KDM4B: variants seen among roughly 807,000 people sequenced by gnomAD.
The protein encoded by KDM4B is lysine demethylase 4B.
KDM4B carries 32 observed loss-of-function variants against 125.2 expected under a neutral mutation model. That is an observed-to-expected ratio of 0.26 (90% CI 0.19 to 0.34). KDM4B has a LOEUF of 0.34. KDM4B is among the 10% of genes least tolerant of loss of function. The pLI is 1.00. For synonymous variants in KDM4B, 721 were observed against 677.9 expected, an observed-to-expected ratio of 1.06 and a Z score of -0.99; for missense variants, 1,190 against 1,577.7, an observed-to-expected ratio of 0.75 and a Z score of 4.16.
At chr19:5,110,909 T>A (rs954976411) in intron 10 of KDM4B, 91 bp downstream of exon 10, 2 of 1,028,222 alleles carry the variant, frequency 1.9e-6, no homozygotes, top group Non-Finnish European at 2.7e-6. Flanking sequence ...TGGCAGGGGC[T>A]CCGGGCCGTG....
rs1201166188 is a variant in KDM4B, at chr19:5,114,482, G to A, written c.1115+3664G>A. 1 of 373,282 alleles carries A rather than the reference G, an allele frequency of 2.7e-6. No homozygotes were observed. The highest frequency in any genetic ancestry group is 2.1e-5 in the African/African-American group (1 of 47,784). The allele number at this position is 373,282 out of a possible 1,614,324, so 23.1% of individuals were successfully genotyped here. The stretch of plus-strand genomic sequence containing the variant: ...ATTCCTGAGCCCTCCCCACCAACAG[G>A]GACCTCAGCCCTCAGGGACAGAACC... On this transcript the variant is annotated intron_variant, in intron 10 of 22. Transcript: ENST00000159111. This position sits in a 1 kb window ranked among gnomAD's most constrained non-coding sequence, Gnocchi z 5.8.
At chr19:5,075,068 C>T (rs1226405483) in intron 7 of KDM4B, 1 of 152,414 alleles carries the variant, frequency 6.6e-6, no homozygotes, top group Non-Finnish European at 1.5e-5. Context: ...AGGTCCTAGT[C>T]TCCGCAGTCT....
At chr19:5,133,450 C>T (rs570625900) in intron 13 of KDM4B, among the ~76,000 whole-genome samples, 10 of 152,274 alleles carry the variant, frequency 6.6e-5, no homozygotes, top group African/African-American at 1.2e-4. Context: ...TGGTCACTGC[C>T]GACGCCCCCA....
At chr19:5,056,849 G>T (rs2037411461) in intron 6 of KDM4B, among the ~76,000 whole-genome samples, 1 of 147,774 alleles carries the variant, frequency 6.8e-6, no homozygotes, top group South Asian at 2.2e-4. Context: ...CCTGGGGTGG[G>T]GACCCTGGGG....
intron 1 of KDM4B, among the ~76,000 whole-genome samples, chr19:4,994,808 T>C (rs1487223687): frequency 6.6e-6 from 1 of 152,214 alleles, no homozygotes; most frequent in East Asian, 1.9e-4. Context: ...GTGAATATTT[T>C]CTAGTGTAAT....
intron 6 of KDM4B, among the ~76,000 whole-genome samples, chr19:5,068,597 A>T (rs1351057799): frequency 6.6e-6 from 1 of 152,196 alleles, no homozygotes; most frequent in Admixed American, 6.5e-5. Flanking sequence ...GGTGGCCGGG[A>T]GGCAGGTCTG....
chr19:4,988,437 G>A (rs934188571), intron 1 of KDM4B, among the ~76,000 whole-genome samples: 9 of 151,980 alleles, frequency 5.9e-5, no homozygotes, highest in African/African-American at 2.2e-4. Flanking sequence ...CACCACGCCC[G>A]GCTAATTTTT....
chr19:5,095,273 T>G (rs956032550), intron 9 of KDM4B, among the ~76,000 whole-genome samples: 3 of 152,150 alleles, frequency 2.0e-5, no homozygotes, highest in African/African-American at 7.2e-5. Flanking sequence ...GCATTCATGA[T>G]CCCCGTGGTC....
At chr19:5,045,054 G>T (rs370880196) in intron 5 of KDM4B, among the ~76,000 whole-genome samples, 17 of 152,192 alleles carry the variant, frequency 1.1e-4, no homozygotes, top group South Asian at 4.1e-4. Flanking sequence ...TCTCCTTTGG[G>T]TAAATACCAA....
At chr19:5,137,145 G>A (rs569076691) in intron 15 of KDM4B, 117 bp from the exon 16 acceptor site, 7 of 692,868 alleles carry the variant, frequency 1.0e-5, no homozygotes, top group East Asian at 2.7e-5. Context: ...CGGAGGCCTC[G>A]TCACTCCACA....
At chr19:5,089,539 C>G (rs554711491) in intron 9 of KDM4B, among the ~76,000 whole-genome samples, 44 of 152,264 alleles carry the variant, frequency 2.9e-4, no homozygotes, top group African/African-American at 1.0e-3. Context: ...AGGCTGTGGA[C>G]TGGGACTCTT....
At chr19:5,054,341 A>G (rs1275449330) in intron 6 of KDM4B, among the ~76,000 whole-genome samples, 1 of 152,164 alleles carries the variant, frequency 6.6e-6, no homozygotes, top group Non-Finnish European at 1.5e-5. Context: ...TCAGCCTCCC[A>G]AAGTATTGGG....
chr19:5,060,173 C>T (rs1435107541), intron 6 of KDM4B, among the ~76,000 whole-genome samples: 1 of 152,230 alleles, frequency 6.6e-6, no homozygotes, highest in South Asian at 2.1e-4. Flanking sequence ...GGCATGGTGG[C>T]TCACGCCTGT....
chr19:5,134,163 C>A, intron 14 of KDM4B, 102 bp downstream of exon 14: 1 of 1,164,194 alleles, frequency 8.6e-7, no homozygotes, highest in South Asian at 1.5e-5. Context: ...TCACGCAGGG[C>A]AGGGTGTTGG....
rs1026409592 is a variant in KDM4B, at chr19:5,142,495, C to T, written c.2551-1472C>T. Among the ~76,000 whole-genome samples the T allele has an allele frequency of 2.0e-5, 3 of 152,174 alleles. No individual in the cohort carries two copies. The highest frequency in any genetic ancestry group is 4.4e-5 in the Non-Finnish European group (3 of 68,016). On this transcript the variant is annotated intron_variant, in intron 18 of 22. Coordinates refer to ENST00000159111, the MANE Select transcript of KDM4B (RefSeq NM_015015.3). This position sits in a 1 kb window ranked among gnomAD's most constrained non-coding sequence, Gnocchi z 5.4. ...CGTGGAGATGCAGGGTCATGGGCTG[C>T]CTGCTACCACGAGGCGGAAGGGGAT...
intron 6 of KDM4B, among the ~76,000 whole-genome samples, chr19:5,062,775 G>GTTTT (rs34134889): frequency 1.6e-4 from 14 of 89,836 alleles, no homozygotes; most frequent in Non-Finnish European, 2.5e-4. Flanking sequence ...TAATTAAACT[G>GTTTT]TTTTTTTTTT....
At chr19:5,134,213 T>C in intron 14 of KDM4B, 152 bp downstream of exon 14, 2 of 716,136 alleles carry the variant, frequency 2.8e-6, no homozygotes, top group South Asian at 1.9e-5. Flanking sequence ...CTGACAGCCG[T>C]AGGCAGAGCC....
At chr19:5,018,592 A>C (rs1012520757) in intron 2 of KDM4B, among the ~76,000 whole-genome samples, 6 of 152,144 alleles carry the variant, frequency 3.9e-5, no homozygotes, top group African/African-American at 1.4e-4. Context: ...CACATACATC[A>C]TATTCACTCT....
In KDM4B at chr19:4,985,672, T is replaced by G. The variant is rs1000731827; in HGVS notation, c.-109+16442T>G. Among the ~76,000 whole-genome samples the G allele has an allele frequency of 2.0e-5, 3 of 152,308 alleles. No individual in the cohort carries two copies. The East Asian group carries it at 5.8e-4, about 29-fold the overall frequency. On this transcript the variant is annotated intron_variant, in intron 1 of 22. Coordinates refer to ENST00000159111, the MANE Select transcript of KDM4B (RefSeq NM_015015.3). The stretch of plus-strand genomic sequence containing the variant: ...GGCGGGTGTGAGCATGGCAGGAGGC[T>G]TTGGGGGCCGAATGTGCAGTGGAAG...
Sources: allele counts gnomAD v4.1 joint callset (sites outside exome capture counted in the v4.1 genomes callset), GRCh38; gene constraint gnomAD v4.1.1; non-coding constraint Gnocchi (gnomAD v3.1); transcripts MANE v1.5; gene names NCBI Gene and HGNC (gene_info 2026-07-23, HGNC 2026-07-21).